RAPGEF2: variants seen among roughly 807,000 people sequenced by gnomAD.
RAPGEF2 encodes Rap guanine nucleotide exchange factor 2.
A neutral mutation model predicts 186.7 loss-of-function variants in RAPGEF2; 54 were observed. The observed-to-expected ratio is 0.29, with a 90% CI of 0.23 to 0.36. The LOEUF (loss-of-function observed/expected upper bound fraction) is 0.36, where lower values mean the gene tolerates loss of function less well. Ranked by LOEUF, RAPGEF2 falls within the 10% of genes least tolerant of loss-of-function variation. RAPGEF2 has a pLI of 1.00. For synonymous variants in RAPGEF2, 712 were observed against 705.9 expected (o/e 1.01, Z -0.14); for missense variants, 1,532 against 2,045.0 (o/e 0.75, Z 4.84).
intron 24 of RAPGEF2, among the ~76,000 whole-genome samples, chr4:159,346,038 G>A (rs566683533): frequency 6.6e-6 from 1 of 152,276 alleles, no homozygotes; most frequent in East Asian, 1.9e-4. Context: ...GTGTCATGGT[G>A]AAGAGCTTGT....
chr4:159,270,878 A>T (rs1438949557), intron 7 of RAPGEF2, among the ~76,000 whole-genome samples: 3 of 152,168 alleles, frequency 2.0e-5, no homozygotes, highest in Non-Finnish European at 2.9e-5. Context: ...CTGTGTTTTT[A>T]TAGTCATGTG....
chr4:159,151,067 G>A (rs1158638918), intron 1 of RAPGEF2, among the ~76,000 whole-genome samples: 2 of 152,152 alleles, frequency 1.3e-5, no homozygotes, highest in African/African-American at 4.8e-5. Context: ...TGGACAAATC[G>A]GAGACTTATA....
At chr4:159,141,356 G>A (rs1445930236) in intron 1 of RAPGEF2, among the ~76,000 whole-genome samples, 1 of 152,014 alleles carries the variant, frequency 6.6e-6, no homozygotes, top group Non-Finnish European at 1.5e-5. Flanking sequence ...TGATTCAAAG[G>A]TCAGCCTCAT....
In RAPGEF2 at chr4:159,116,831, A is replaced by G. The variant is rs1253958066; in HGVS notation, c.69+12600A>G. On this transcript the variant is annotated intron_variant, in intron 1 of 29. Transcript: ENST00000691494. ...AACCAAACACTGCATGTTCTCACTT[A>G]CAAGTGGGAAGCTGAACAATGAGAA... Among the ~76,000 whole-genome samples the G allele has an allele frequency of 2.0e-5, 3 of 152,168 alleles. 1 individual carries two copies. The highest frequency in any genetic ancestry group is 2.0e-4 in the Admixed American group (3 of 15,270).
chr4:159,208,922 G>A (rs1007732065), intron 3 of RAPGEF2, among the ~76,000 whole-genome samples: 2 of 150,916 alleles, frequency 1.3e-5, no homozygotes, highest in Admixed American at 6.6e-5. Context: ...AGAGTCTCTC[G>A]CCATGGCACC....
chr4:159,232,024 T>C (rs1752696986), intron 4 of RAPGEF2, among the ~76,000 whole-genome samples: 1 of 152,198 alleles, frequency 6.6e-6, no homozygotes, highest in Non-Finnish European at 1.5e-5. Flanking sequence ...AAATAGAGAT[T>C]CTACTTTTTC....
At chr4:159,189,828 AAC>A (rs1270433344) in intron 2 of RAPGEF2, among the ~76,000 whole-genome samples, 2 of 152,244 alleles carry the variant, frequency 1.3e-5, no homozygotes, top group African/African-American at 4.8e-5. Flanking sequence ...TTATTTTATA[AAC>A]AGTTATCAAT....
At chr4:159,323,324 A>G in intron 10 of RAPGEF2, 135 bp from the exon 11 acceptor site, 1 of 625,608 alleles carries the variant, frequency 1.6e-6, no homozygotes, top group East Asian at 3.1e-5. Context: ...TGAACTTGTT[A>G]AACAGTAAAC....
rs563783331 is a variant in RAPGEF2, at chr4:159,299,631, CT to C, written c.544-4702del. On this transcript the variant is annotated intron_variant, in intron 7 of 29. Transcript: ENST00000691494. Reference sequence around the variant, plus strand: ...AATTTTAGGTATTTTACCAATTTAACTTTTTTTTTAACTTATTATTACTTAT... The same window carrying C: ...AATTTTAGGTATTTTACCAATTTAACTTTTTTTTAACTTATTATTACTTAT... Among the ~76,000 whole-genome samples, 773 of 151,248 alleles carry C rather than the reference CT, an allele frequency of 5.1e-3. 3 individuals are homozygous for C. The highest frequency in any genetic ancestry group is 0.025 in the East Asian group (127 of 5,162).
intron 1 of RAPGEF2, among the ~76,000 whole-genome samples, chr4:159,117,597 G>A (rs568970859): frequency 2.6e-4 from 39 of 148,610 alleles, no homozygotes; most frequent in African/African-American, 9.1e-4. Flanking sequence ...TTTTTTTTTC[G>A]TAGTTACAAA....
Position 159,186,551 on chromosome 4 carries a change from GTTTAA to G in RAPGEF2, c.70-87_70-83del, listed in dbSNP as rs1747574554. 4 of 557,048 alleles carry G rather than the reference GTTTAA, an allele frequency of 7.2e-6. No homozygotes were observed. In the East Asian group the frequency reaches 1.3e-4, roughly 18 times the overall value. 34.5% of individuals were successfully genotyped at this position (557,048 alleles called of 1,614,324 possible). On this transcript the variant is annotated intron_variant, in intron 1 of 29. Coordinates refer to ENST00000691494, the MANE Select transcript of RAPGEF2 (RefSeq NM_001394067.2). ...TGTATTTTTAAAAAAGCTATCCATAGTTTAATTTGGTTTGTAGATACAGTGTGACT... is the reference window on the plus strand; with the variant it reads ...TGTATTTTTAAAAAAGCTATCCATAGTTTGGTTTGTAGATACAGTGTGACT...
At position 159,353,572 on chromosome 4, in the gene RAPGEF2, G is replaced by T. The variant is rs1190137356; in HGVS notation, c.4177G>T (p.Asp1393Tyr). 3.8e-6 allele frequency: 6 copies of T among 1,581,204 alleles called. No homozygotes were observed. The highest frequency in any genetic ancestry group is 1.4e-5 in the African/African-American group (1 of 73,398). ...SSPSTEELSQ[D>Y]QGDRASLDAA... ...TCCAAGCACAGAGGAACTTTCCCAG[G>T]ATCAGGGGGATCGCGCGTCACTTGA... The change falls in exon 28 of 30, where the codon GAT becomes TAT. Residue 1393 changes from aspartate to tyrosine, a missense_variant. This residue lies in a region of RAPGEF2 where 594 missense variants were observed against 608.5 expected (regional missense o/e 0.98). Coordinates refer to ENST00000691494, the MANE Select transcript of RAPGEF2 (RefSeq NM_001394067.2). The surrounding 1 kb of genome is among the most constrained non-coding windows in gnomAD (Gnocchi z 4.3).
chr4:159,315,034 GAC>G (rs1442458817), intron 9 of RAPGEF2, among the ~76,000 whole-genome samples: 17 of 107,422 alleles, frequency 1.6e-4, no homozygotes, highest in African/African-American at 5.7e-4. Flanking sequence ...CTTAGTTTAT[GAC>G]AAAAAAAAAA....
chr4:159,299,217 G>T (rs1327936444), intron 7 of RAPGEF2, among the ~76,000 whole-genome samples: 1 of 152,076 alleles, frequency 6.6e-6, no homozygotes. Flanking sequence ...AGATGCCTGG[G>T]AAAATTGACT....
At position 159,347,208 on chromosome 4, in the gene RAPGEF2, A is replaced by G. The variant is rs188240033; in HGVS notation, c.3712+210A>G. 7.8e-3 allele frequency among the ~76,000 whole-genome samples: 1,194 copies of G among 152,338 alleles called. 14 individuals are homozygous for G. Among genetic ancestry groups the G allele is most frequent in the Middle Eastern group, 0.061 (18 of 294 alleles). On this transcript the variant is annotated intron_variant, in intron 25 of 29. Transcript: ENST00000691494. Reference sequence around the variant, plus strand: ...TTTATAAGTAATATCTCGTTTAGTCATGCTAATTTGCTACGACAGGGTGTT... The same window carrying G: ...TTTATAAGTAATATCTCGTTTAGTCGTGCTAATTTGCTACGACAGGGTGTT...
At chr4:159,193,119 GTA>G (rs1748286257) in intron 2 of RAPGEF2, 79 bp from the exon 3 acceptor site, 1 of 677,590 alleles carries the variant, frequency 1.5e-6, no homozygotes, top group South Asian at 3.9e-5. Flanking sequence ...TTTCTAGACT[GTA>G]TGTGTCATTT....
chr4:159,208,487 G>A (rs1750189322), intron 3 of RAPGEF2, among the ~76,000 whole-genome samples: 1 of 152,074 alleles, frequency 6.6e-6, no homozygotes, highest in African/African-American at 2.4e-5. Flanking sequence ...GATGAGATTT[G>A]GACCTGTCAC....
intron 17 of RAPGEF2, among the ~76,000 whole-genome samples, chr4:159,334,983 A>T (rs987964703): frequency 3.9e-5 from 6 of 152,246 alleles, no homozygotes; most frequent in Non-Finnish European, 2.9e-5. Context: ...AGGATCTATC[A>T]TATTGGTAAC....
chr4:159,228,109 GAA>G (rs1752226815), intron 4 of RAPGEF2: 1 of 152,280 alleles, frequency 6.6e-6, no homozygotes, highest in South Asian at 2.1e-4. Flanking sequence ...GCTGGTATGC[GAA>G]AAGAGTGCCC....
Sources: allele counts gnomAD v4.1 joint callset (sites outside exome capture counted in the v4.1 genomes callset), GRCh38; gene constraint gnomAD v4.1.1; regional missense constraint gnomAD v4.1.1; non-coding constraint Gnocchi (gnomAD v3.1); transcripts MANE v1.5; gene names NCBI Gene and HGNC (gene_info 2026-07-23, HGNC 2026-07-21).